The following NAB1 variants were observed in gnomAD, a reference collection of about 807,000 sequenced individuals.
NAB1 encodes the protein NGFI-A binding protein 1.
Under a neutral mutation model 49.9 loss-of-function variants are expected in NAB1, and 25 were observed. The observed-to-expected ratio is 0.50, with a 90% CI of 0.37 to 0.70. The LOEUF is 0.70. Ranked by LOEUF, NAB1 falls within the 30% of genes least tolerant of loss-of-function variation. The pLI is 0.00. For missense variants in NAB1, 489 were observed against 575.9 expected (o/e 0.85, Z 1.54); for synonymous variants, 198 against 215.6 (o/e 0.92, Z 0.71).
At chr2:190,688,002 A>T (rs1245885362) in intron 9 of NAB1, among the ~76,000 whole-genome samples, 1 of 152,230 alleles carries the variant, frequency 6.6e-6, no homozygotes, top group Non-Finnish European at 1.5e-5. Context: ...CCATAAAAGG[A>T]TGAGCAGCTC....
chr2:190,672,949 C>T (rs964599358), intron 5 of NAB1, 152 bp from the exon 6 acceptor site: 4 of 683,604 alleles, frequency 5.9e-6, no homozygotes, highest in Non-Finnish European at 9.9e-6. Context: ...ATCTTTTCTT[C>T]ATTATTTTAA....
chr2:190,673,249 C>T, intron 6 of NAB1, 97 bp downstream of exon 6: 1 of 1,101,308 alleles, frequency 9.1e-7, no homozygotes, highest in African/African-American at 1.5e-5. Context: ...AAGATGGTCC[C>T]ATAAACTAGT....
chr2:190,687,317 G>A lies in NAB1; in HGVS notation c.1375G>A (p.Glu459Lys). Reference protein sequence around the residue: ...YPSEAKSHSSESLGILKDYPH... With the variant: ...YPSEAKSHSSKSLGILKDYPH... ...CAGTGAGGCAAAGTCCCACTCATCA[G>A]GTGAGAACGTGCTATATGATGAGAG... is the stretch of plus-strand genomic sequence containing the variant. Residue 459 changes from glutamate to lysine, a missense_variant and splice_region_variant, in exon 9 of 10, where the codon GAG (glutamate) becomes AAG (lysine). Around this residue, in one of 4 missense-constraint regions of NAB1, gnomAD observed 212 missense variants for 199.3 expected, o/e 1.06. Transcript: ENST00000337386. 1 of 1,541,778 alleles carries A rather than the reference G, an allele frequency of 6.5e-7. No individual in the cohort carries two copies.
At chr2:190,683,848 T>C (rs1695476318) in intron 7 of NAB1, 21 bp downstream of exon 7, 1 of 1,567,904 alleles carries the variant, frequency 6.4e-7, no homozygotes, top group Non-Finnish European at 8.8e-7. Flanking sequence ...CTCCCAGTTA[T>C]TACTCCATGA....
In NAB1 at chr2:190,670,082, G is replaced by T. The variant is rs1694728700; in HGVS notation, c.820-244G>T. ...AAACTCTCCTATCTAACCAAAAAAA[G>T]GATATAAATAAATAAAATCAAGATG... On this transcript the variant is annotated intron_variant, in intron 4 of 9. Transcript: ENST00000337386. The surrounding 1 kb of genome is among the most constrained non-coding windows in gnomAD (Gnocchi z 5.3). 6.6e-6 allele frequency among the ~76,000 whole-genome samples: 1 copy of T among 151,972 alleles called. No individual in the cohort carries two copies. The highest frequency in any genetic ancestry group is 2.4e-5 in the African/African-American group (1 of 41,354).
At position 190,663,874 on chromosome 2, in the gene NAB1, TA is replaced by T. The variant is rs1325785711; in HGVS notation, c.819+3883del. 6.6e-6 allele frequency among the ~76,000 whole-genome samples: 1 copy of T among 152,220 alleles called. No homozygotes were observed. The highest frequency in any genetic ancestry group is 1.9e-4 in the East Asian group (1 of 5,208). ...TTATGATTTCTGACCATGTGTTATTTAAAAGTGTTTCTTTATTTCCAAATAT... is the reference window on the plus strand; with the variant it reads ...TTATGATTTCTGACCATGTGTTATTTAAAGTGTTTCTTTATTTCCAAATAT... On this transcript the variant is annotated intron_variant, in intron 4 of 9. Transcript: ENST00000337386. This position sits in a 1 kb window ranked among gnomAD's most constrained non-coding sequence, Gnocchi z 4.2.
At chr2:190,655,044 A>T (rs1693848700) in intron 2 of NAB1, among the ~76,000 whole-genome samples, 1 of 152,204 alleles carries the variant, frequency 6.6e-6, no homozygotes, top group African/African-American at 2.4e-5. Flanking sequence ...GTTCAGAAGA[A>T]CAGTTTGGGC....
intron 5 of NAB1, among the ~76,000 whole-genome samples, chr2:190,672,270 A>C (rs1694850414): frequency 6.6e-6 from 1 of 152,294 alleles, no homozygotes; most frequent in South Asian, 2.1e-4. Context: ...TTGTAAAACC[A>C]CAATAAATAA....
rs1009803994 is a variant in NAB1, at chr2:190,679,919, CCTGGCTTAT to C, written c.1006-3816_1006-3808del. 2.0e-5 allele frequency among the ~76,000 whole-genome samples: 3 copies of C among 152,306 alleles called. No individual in the cohort carries two copies. The highest frequency in any genetic ancestry group is 7.2e-5 in the African/African-American group (3 of 41,566). On this transcript the variant is annotated intron_variant, in intron 6 of 9. Coordinates refer to ENST00000337386, the MANE Select transcript of NAB1 (RefSeq NM_005966.4). This position sits in a 1 kb window ranked among gnomAD's most constrained non-coding sequence, Gnocchi z 5.3. ...GCTCCAAACTCACTGCCCCTGCTTA[CCTGGCTTAT>C]CTACACACGGAGGTCTCACTAGCAA...
chr2:190,661,419 G>A (rs1268058600), intron 4 of NAB1, among the ~76,000 whole-genome samples: 2 of 152,140 alleles, frequency 1.3e-5, no homozygotes, highest in Admixed American at 6.5e-5. Flanking sequence ...AAGGCAAAAT[G>A]TGTTGGCAAT....
chr2:190,659,096 T>G lies in NAB1; in HGVS notation c.-19-62T>G. On this transcript the variant is annotated intron_variant, in intron 3 of 9. Transcript: ENST00000337386. The surrounding 1 kb of genome is among the most constrained non-coding windows in gnomAD (Gnocchi z 6.2). ...TTCTTAAAACCTGTAGTGTAACCTATTTGGTGTAAGGAGTTTGAAGCAAGT... is the reference window on the plus strand; with the variant it reads ...TTCTTAAAACCTGTAGTGTAACCTAGTTGGTGTAAGGAGTTTGAAGCAAGT... 9.1e-7 allele frequency: 1 copy of G among 1,094,424 alleles called. No homozygotes were observed. The allele number at this position is 1,094,424 out of a possible 1,614,324, so 67.8% of individuals were successfully genotyped here. A position where few individuals can be genotyped will look rare whatever the true frequency, so the allele number is the denominator to read the frequency against.
At position 190,679,675 on chromosome 2, in the gene NAB1, T is replaced by G. The variant is rs534485869; in HGVS notation, c.1006-4063T>G. The stretch of plus-strand genomic sequence containing the variant: ...GTGGTGTAATCCTAATTTAAAAATT[T>G]GGATCACTGGAAATAATGAGGTTTA... On this transcript the variant is annotated intron_variant, in intron 6 of 9. Coordinates refer to ENST00000337386, the MANE Select transcript of NAB1 (RefSeq NM_005966.4). The surrounding 1 kb of genome is among the most constrained non-coding windows in gnomAD (Gnocchi z 5.3). 6.6e-6 allele frequency among the ~76,000 whole-genome samples: 1 copy of G among 152,348 alleles called. No homozygotes were observed. The highest frequency in any genetic ancestry group is 2.1e-4 in the South Asian group (1 of 4,822).
intron 2 of NAB1, chr2:190,653,926 G>A (rs1315188305): frequency 6.6e-6 from 1 of 152,160 alleles, no homozygotes; most frequent in African/African-American, 2.4e-5. Context: ...GAAGTATTAA[G>A]GATGAGAGAA....
In NAB1 at chr2:190,651,369, A is replaced by G. The variant is rs1693660999; in HGVS notation, c.-197+1387A>G. On this transcript the variant is annotated intron_variant, in intron 2 of 9. Transcript: ENST00000337386. This position sits in a 1 kb window ranked among gnomAD's most constrained non-coding sequence, Gnocchi z 4.3. The stretch of plus-strand genomic sequence containing the variant: ...TCCTTGTTAGAGAAACACTGAAAGC[A>G]TTAGGTATTTTCATCACGGTATAGC... 6.6e-6 allele frequency among the ~76,000 whole-genome samples: 1 copy of G among 152,254 alleles called. No homozygotes were observed. Among genetic ancestry groups the G allele is most frequent in the Non-Finnish European group, 1.5e-5 (1 of 68,048 alleles).
chr2:190,657,534 A>G lies in NAB1; in HGVS notation c.-20+1381A>G, dbSNP rs1189643165. On this transcript the variant is annotated intron_variant, in intron 3 of 9. Coordinates refer to ENST00000337386, the MANE Select transcript of NAB1 (RefSeq NM_005966.4). The surrounding 1 kb of genome is among the most constrained non-coding windows in gnomAD (Gnocchi z 4.4). ...CCCAGGTGATTTCCTGGGTTTTAGT[A>G]GAAGCTACTGGGCCCTAATTCAGCC... Among the ~76,000 whole-genome samples the G allele has an allele frequency of 5.9e-5, 9 of 152,222 alleles. No homozygotes were observed. The highest frequency in any genetic ancestry group is 1.5e-5 in the Non-Finnish European group (1 of 68,034).
Position 190,670,355 on chromosome 2 carries a change from CTG to C in NAB1, c.854_855del (p.Val285GlufsTer3). 1 of 1,613,818 alleles carries C rather than the reference CTG, an allele frequency of 6.2e-7. No individual in the cohort carries two copies. Among genetic ancestry groups the C allele is most frequent in the Non-Finnish European group, 8.5e-7 (1 of 1,179,872 alleles). ...LTVNEAAAQL[C>X]VKDNALLTRR... Reference sequence around the variant, plus strand: ...CTGTTAATGAAGCGGCTGCTCAACTCTGTGTGAAGGATAATGCCCTGCTGACA... The same window carrying C: ...CTGTTAATGAAGCGGCTGCTCAACTCTGTGAAGGATAATGCCCTGCTGACA... On this transcript the variant is annotated frameshift_variant, in exon 5 of 10. Transcript: ENST00000337386. LOFTEE classifies it high-confidence loss of function. This position sits in a 1 kb window ranked among gnomAD's most constrained non-coding sequence, Gnocchi z 5.3.
Position 190,678,524 on chromosome 2 carries a change from C to T in NAB1, c.1006-5214C>T. Among the ~76,000 whole-genome samples, 1 of 152,188 alleles carries T rather than the reference C, an allele frequency of 6.6e-6. No homozygotes were observed. Among genetic ancestry groups the T allele is most frequent in the Non-Finnish European group, 1.5e-5 (1 of 68,036 alleles). On this transcript the variant is annotated intron_variant, in intron 6 of 9. Coordinates refer to ENST00000337386, the MANE Select transcript of NAB1 (RefSeq NM_005966.4). This position sits in a 1 kb window ranked among gnomAD's most constrained non-coding sequence, Gnocchi z 4.9. ...GAGACTGGGCAGAGATGGGAAATGACAGCATTCTTGACCCTGTGGGAGTCA... is the reference window on the plus strand; with the variant it reads ...GAGACTGGGCAGAGATGGGAAATGATAGCATTCTTGACCCTGTGGGAGTCA...
In NAB1 at chr2:190,690,174, T is replaced by G. The variant is rs973490521; in HGVS notation, c.1376-71T>G. ...TTGATATGGAGTTTGGGGGTTTGTTTTAAAACTTTGTTTGATTTTTGTAGT... is the reference window on the plus strand; with the variant it reads ...TTGATATGGAGTTTGGGGGTTTGTTGTAAAACTTTGTTTGATTTTTGTAGT... On this transcript the variant is annotated intron_variant, in intron 9 of 9. Transcript: ENST00000337386. The G allele has an allele frequency of 2.7e-6, 3 of 1,112,322 alleles. No individual in the cohort carries two copies. In the African/African-American group the frequency reaches 4.7e-5, roughly 17 times the overall value. The allele number at this position is 1,112,322 out of a possible 1,614,324, so 68.9% of individuals were successfully genotyped here.
chr2:190,692,421 G>A lies in NAB1; in HGVS notation c.*2088G>A, dbSNP rs1315215123. The A allele has an allele frequency of 2.0e-5, 3 of 152,368 alleles. No individual in the cohort carries two copies. Among genetic ancestry groups the A allele is most frequent in the Admixed American group, 6.6e-5 (1 of 15,250 alleles). The allele number at this position is 152,368 out of a possible 1,614,324, so 9.4% of individuals were successfully genotyped here. A position where few individuals can be genotyped will look rare whatever the true frequency, so the allele number is the denominator to read the frequency against. On this transcript the variant is annotated 3_prime_UTR_variant, in exon 10 of 10. Transcript: ENST00000337386. The surrounding 1 kb of genome is among the most constrained non-coding windows in gnomAD (Gnocchi z 5.2). Reference sequence around the variant, plus strand: ...AGTCTTTCAAGCTTAGTGATAAGGTGGAAGCACAAGAAAAATTTCAGTAGA... The same window carrying A: ...AGTCTTTCAAGCTTAGTGATAAGGTAGAAGCACAAGAAAAATTTCAGTAGA...
Sources: allele counts gnomAD v4.1 joint callset (sites outside exome capture counted in the v4.1 genomes callset), GRCh38; gene constraint gnomAD v4.1.1; regional missense constraint gnomAD v4.1.1; non-coding constraint Gnocchi (gnomAD v3.1); transcripts MANE v1.5; gene names NCBI Gene and HGNC (gene_info 2026-07-23, HGNC 2026-07-21).